Variants in NUDT13 observed in about 807,000 individuals in gnomAD.
NUDT13 encodes the protein NAD(P)H pyrophosphatase NUDT13, mitochondrial.
In NUDT13, 40 loss-of-function variants were observed where a neutral mutation model predicts 41.7. The ratio of observed to expected loss-of-function variants is 0.96; its 90% CI spans 0.75 to 1.25. NUDT13 has a LOEUF of 1.25. Among genes scored for constraint, NUDT13 ranks in the 50% most tolerant of loss-of-function variants. NUDT13 has a pLI of 0.00. For missense variants in NUDT13, 390 were observed against 416.1 expected (o/e 0.94, Z 0.55); for synonymous variants, 145 against 155.5 (o/e 0.93, Z 0.50).
At position 73,125,244 on chromosome 10, in the gene NUDT13, G is replaced by A; in HGVS notation, c.591+1G>A. 1 of 1,609,308 alleles carries A rather than the reference G, an allele frequency of 6.2e-7. No homozygotes were observed. The highest frequency in any genetic ancestry group is 1.3e-5 in the African/African-American group (1 of 74,616). On this transcript the variant is annotated splice_donor_variant, in intron 6 of 8. Transcript: ENST00000357321. LOFTEE classifies it high-confidence loss of function. Reference sequence around the variant, plus strand: ...CAATAATATAATCTATTATCCACAGGTAATTATTGCTGTAAGAGGACAGTA... The same window carrying A: ...CAATAATATAATCTATTATCCACAGATAATTATTGCTGTAAGAGGACAGTA...
chr10:73,114,330 T>C, intron 1 of NUDT13, 27 bp from the exon 2 acceptor site: 1 of 1,227,620 alleles, frequency 8.1e-7, no homozygotes, highest in Non-Finnish European at 1.1e-6. Context: ...ATGACTTTTT[T>C]TAAAACTCCT....
intron 8 of NUDT13, among the ~76,000 whole-genome samples, chr10:73,128,074 C>T (rs1842836008): frequency 6.6e-6 from 1 of 152,116 alleles, no homozygotes; most frequent in African/African-American, 2.4e-5. Flanking sequence ...TTAGCATGTC[C>T]TTTGGGCCTA....
At chr10:73,126,055 G>T (rs1842768976) in intron 7 of NUDT13, 2 of 225,896 alleles carry the variant, frequency 8.9e-6, no homozygotes, top group Admixed American at 8.2e-5. Flanking sequence ...CCACTACCCA[G>T]ATTCTATAAT....
intron 7 of NUDT13, 142 bp downstream of exon 7, chr10:73,125,651 T>TTATATATATATATATATATATA (rs57047791): frequency 8.2e-5 from 16 of 195,602 alleles, no homozygotes; most frequent in African/African-American, 4.3e-4. Flanking sequence ...TTCTGGCATT[T>TTATATATATATATATATATATA]TATATATATA....
intron 2 of NUDT13, among the ~76,000 whole-genome samples, chr10:73,117,863 T>C (rs1177700985): frequency 6.6e-6 from 1 of 152,194 alleles, no homozygotes; most frequent in Non-Finnish European, 1.5e-5. Flanking sequence ...ATAATCTAAA[T>C]ATTTTCAACT....
Position 73,125,449 on chromosome 10 carries a change from G to GC in NUDT13, c.646dup (p.Arg216ProfsTer18). The GC allele has an allele frequency of 1.9e-6, 3 of 1,612,784 alleles. No individual in the cohort carries two copies. The highest frequency in any genetic ancestry group is 1.7e-4 in the Middle Eastern group (1 of 5,924). On this transcript the variant is annotated frameshift_variant, in exon 7 of 9. Coordinates refer to ENST00000357321, the MANE Select transcript of NUDT13 (RefSeq NM_015901.6). LOFTEE classifies it high-confidence loss of function. ...GTCAGATGGGACCCGATGCCTGCTT[G>GC]CCCGCCAAAGCTCCTTTCCCAAGGG...
At chr10:73,123,857 C>T (rs1308800143) in intron 4 of NUDT13, among the ~76,000 whole-genome samples, 1 of 151,968 alleles carries the variant, frequency 6.6e-6, no homozygotes, top group Non-Finnish European at 1.5e-5. Flanking sequence ...CAGGGTTTCA[C>T]CATGTTGGCC....
chr10:73,126,922 A>G, intron 8 of NUDT13, 95 bp downstream of exon 8: 8 of 1,061,082 alleles, frequency 7.5e-6, no homozygotes, highest in East Asian at 2.4e-5. Flanking sequence ...CTAGTCCAGC[A>G]TCATCTAGAT....
intron 2 of NUDT13, chr10:73,115,314 C>T (rs1375514305): frequency 6.6e-6 from 1 of 152,104 alleles, no homozygotes; most frequent in African/African-American, 2.4e-5. Flanking sequence ...GTAGCTGGGA[C>T]TACAGGCATA....
At chr10:73,119,417 A>G in intron 2 of NUDT13, 6 of 790,698 alleles carry the variant, frequency 7.6e-6, no homozygotes, top group Non-Finnish European at 9.2e-6. Flanking sequence ...GTAAGGGTAC[A>G]TTGAAGGTAA....
rs1842602640 is a variant in NUDT13, at chr10:73,119,944, G to A, written c.84-74G>A. On this transcript the variant is annotated intron_variant, in intron 2 of 8. Coordinates refer to ENST00000357321, the MANE Select transcript of NUDT13 (RefSeq NM_015901.6). ...ATGGTAAGAGAGGGATGCAGCGACA[G>A]CATTCTCAAAGATGAATGCTATACA... 4 of 1,425,388 alleles carry A rather than the reference G, an allele frequency of 2.8e-6. No homozygotes were observed. The East Asian group carries it at 6.9e-5, about 25-fold the overall frequency. The allele number at this position is 1,425,388 out of a possible 1,614,324, so 88.3% of individuals were successfully genotyped here. A position where few individuals can be genotyped will look rare whatever the true frequency, so the allele number is the denominator to read the frequency against.
chr10:73,124,200 T>C lies in NUDT13; in HGVS notation c.359-14T>C. 1 of 1,560,766 alleles carries C rather than the reference T, an allele frequency of 6.4e-7. No homozygotes were observed. Among genetic ancestry groups the C allele is most frequent in the Non-Finnish European group, 8.8e-7 (1 of 1,135,430 alleles). The stretch of plus-strand genomic sequence containing the variant: ...TGTCATTGTTTAATTTCATTATCTT[T>C]TCTAATTTTCTAGCCTCCTTACACA... On this transcript the variant is annotated splice_polypyrimidine_tract_variant and intron_variant, in intron 4 of 8. Coordinates refer to ENST00000357321, the MANE Select transcript of NUDT13 (RefSeq NM_015901.6).
intron 2 of NUDT13, chr10:73,115,270 G>A (rs2133203315): frequency 6.6e-6 from 1 of 152,260 alleles, no homozygotes; most frequent in East Asian, 1.9e-4. Context: ...TTGATCTCCT[G>A]GGGTCAAGCG....
intron 8 of NUDT13, 198 bp from the exon 9 acceptor site, chr10:73,130,505 C>A: frequency 2.4e-6 from 1 of 425,342 alleles, no homozygotes; most frequent in Non-Finnish European, 4.4e-6. Flanking sequence ...CACACACACA[C>A]ATATAAAACT....
At chr10:73,124,358 G>A in intron 5 of NUDT13, 38 bp downstream of exon 5, 1 of 1,426,820 alleles carries the variant, frequency 7.0e-7, no homozygotes, top group Non-Finnish European at 9.9e-7. Flanking sequence ...AAATTTAGTA[G>A]AGCAGTAAGT....
At position 73,130,810 on chromosome 10, in the gene NUDT13, T is replaced by A; in HGVS notation, c.966T>A (p.Thr322=). The A allele has an allele frequency of 6.2e-7, 1 of 1,612,552 alleles. No homozygotes were observed. Among genetic ancestry groups the A allele is most frequent in the Non-Finnish European group, 8.5e-7 (1 of 1,179,594 alleles). Reference sequence around the variant, plus strand: ...CCTATACTCAGCAACAGAATGGGACTTTCCCATTCTGGCTGCCCCCTAAGT... The same window carrying A: ...CCTATACTCAGCAACAGAATGGGACATTCCCATTCTGGCTGCCCCCTAAGT... ...KGPYTQQQNG[T]FPFWLPPKLA... Residue 322 remains threonine (T), a synonymous_variant, in exon 9 of 9, where the codon ACT becomes ACA. Coordinates refer to ENST00000357321, the MANE Select transcript of NUDT13 (RefSeq NM_015901.6).
chr10:73,117,186 A>C (rs1199927845), intron 2 of NUDT13, among the ~76,000 whole-genome samples: 1 of 152,008 alleles, frequency 6.6e-6, no homozygotes, highest in East Asian at 1.9e-4. Context: ...CCTGGCCAAG[A>C]ATATTAACAT....
Position 73,130,805 on chromosome 10 carries a change from G to A in NUDT13, c.961G>A (p.Gly321Arg), listed in dbSNP as rs1301655707. The A allele has an allele frequency of 6.2e-7, 1 of 1,613,282 alleles. No homozygotes were observed. The highest frequency in any genetic ancestry group is 1.7e-5 in the Admixed American group (1 of 59,988). The change falls in exon 9 of 9, where the codon GGG becomes AGG. Residue 321 changes from glycine (G) to arginine (R), a missense_variant. Gly to Arg is a moderately radical substitution (Grantham distance 125). Coordinates refer to ENST00000357321, the MANE Select transcript of NUDT13 (RefSeq NM_015901.6). ...RKGPYTQQQN[G>R]TFPFWLPPKL... ...GGGCCCCTATACTCAGCAACAGAAT[G>A]GGACTTTCCCATTCTGGCTGCCCCC...
At position 73,125,207 on chromosome 10, in the gene NUDT13, T is replaced by C; in HGVS notation, c.555T>C (p.Arg185=). The change falls in exon 6 of 9, where the codon CGT becomes CGC. Residue 185 remains arginine, a synonymous_variant. Transcript: ENST00000357321. ...AGAAGAACGTGGCTGGCAGCAAGCG[T>C]GTGTGCCCTTCCAATAATATAATCT... ...PTKKNVAGSK[R]VCPSNNIIYY... is the part of the protein sequence containing the mutation. 1 of 1,612,676 alleles carries C rather than the reference T, an allele frequency of 6.2e-7. No homozygotes were observed. The highest frequency in any genetic ancestry group is 1.1e-5 in the South Asian group (1 of 91,004).
Sources: gnomAD v4.1 joint callset for allele counts (sites outside exome capture counted in the v4.1 genomes callset) on GRCh38, gnomAD v4.1.1 for gene constraint, MANE v1.5 for transcripts, NCBI Gene and HGNC (gene_info 2026-07-23, HGNC 2026-07-21) for gene names.